Variants in SRD5A2 observed in about 807,000 individuals in gnomAD.
SRD5A2 encodes 3-oxo-5-alpha-steroid 4-dehydrogenase 2.
SRD5A2 carries 30 observed loss-of-function variants against 27.4 expected under a neutral mutation model. The observed-to-expected ratio is 1.10, with a 90% confidence interval of 0.82 to 1.49. The LOEUF is 1.49. Ranked by LOEUF, SRD5A2 falls within the 40% of genes most tolerant of loss-of-function variation. The probability of loss-of-function intolerance (pLI) is 0.00; values close to 1 mark genes in which losing one functional copy is unlikely to be tolerated. For synonymous variants in SRD5A2, 141 were observed against 133.6 expected (o/e 1.06, Z -0.38); for missense variants, 348 against 323.4 (o/e 1.08, Z -0.58).
chr2:31,647,444 A>T, the SRD5A2 span, among the ~76,000 whole-genome samples: 104,617 of 152,052 alleles, frequency 0.69, 36,216 homozygotes, highest in African/African-American at 0.71. Flanking sequence ...CCCCCGTTTT[A>T]CCTTCCATGG....
At chr2:31,550,023 A>G (rs528703464) in intron 1 of SRD5A2, among the ~76,000 whole-genome samples, 39 of 152,224 alleles carry the variant, frequency 2.6e-4, no homozygotes, top group Middle Eastern at 3.4e-3. Context: ...AATTTTTAAA[A>G]AGTAAAATTA....
upstream of SRD5A2, among the ~76,000 whole-genome samples, chr2:31,585,734 A>G (rs1394102736): frequency 2.0e-5 from 3 of 152,090 alleles, no homozygotes; most frequent in African/African-American, 7.2e-5. Context: ...CAGGGAGGTA[A>G]AGCACCAAGC....
At chr2:31,604,779 C>T in the SRD5A2 span, among the ~76,000 whole-genome samples, 5 of 151,152 alleles carry the variant, frequency 3.3e-5, no homozygotes. Context: ...ATACCAATGA[C>T]ATTCTTCACA....
chr2:31,556,301 C>A (rs939843241), intron 1 of SRD5A2, among the ~76,000 whole-genome samples: 5 of 152,142 alleles, frequency 3.3e-5, no homozygotes, highest in Non-Finnish European at 7.3e-5. Context: ...GCCTCCCATC[C>A]AAGCTTACTT....
intron 1 of SRD5A2, among the ~76,000 whole-genome samples, chr2:31,569,045 C>T (rs1022869273): frequency 5.3e-5 from 8 of 152,196 alleles, no homozygotes; most frequent in Admixed American, 1.3e-4. Context: ...CAGGGAAGCC[C>T]GGGTCCAGAG....
At chr2:31,634,344 C>A in the SRD5A2 span, among the ~76,000 whole-genome samples, 224 of 151,820 alleles carry the variant, frequency 1.5e-3, no homozygotes, top group African/African-American at 5.2e-3. Context: ...GGTAGAGAGG[C>A]AAAATAGAGC....
chr2:31,573,380 G>A (rs984602343), intron 1 of SRD5A2, among the ~76,000 whole-genome samples: 2 of 152,182 alleles, frequency 1.3e-5, no homozygotes, highest in Non-Finnish European at 2.9e-5. Flanking sequence ...GAGCTCCTAT[G>A]TTGAGCTGAG....
the SRD5A2 span, among the ~76,000 whole-genome samples, chr2:31,590,352 C>A: frequency 2.0e-5 from 3 of 152,162 alleles, no homozygotes; most frequent in Non-Finnish European, 4.4e-5. Flanking sequence ...TTTTATTTCA[C>A]TGAGCAGTGG....
At chr2:31,579,517 A>T (rs1292715035) in intron 1 of SRD5A2, among the ~76,000 whole-genome samples, 1 of 152,218 alleles carries the variant, frequency 6.6e-6, no homozygotes, top group African/African-American at 2.4e-5. Context: ...TGCATAGAAT[A>T]TCTGCCTACT....
At chr2:31,653,535 C>T in the SRD5A2 span, among the ~76,000 whole-genome samples, 3 of 152,098 alleles carry the variant, frequency 2.0e-5, no homozygotes. Flanking sequence ...TCTCTGTATG[C>T]ACCCTGAATG....
At chr2:31,565,644 A>T (rs1666714966) in intron 1 of SRD5A2, among the ~76,000 whole-genome samples, 1 of 151,986 alleles carries the variant, frequency 6.6e-6, no homozygotes, top group African/African-American at 2.4e-5. Flanking sequence ...AAAAGCATCA[A>T]TTCATCAAGA....
chr2:31,539,489 A>G (rs1666089759), intron 1 of SRD5A2, among the ~76,000 whole-genome samples: 1 of 152,124 alleles, frequency 6.6e-6, no homozygotes, highest in Non-Finnish European at 1.5e-5. Context: ...CCCCCTTACC[A>G]AGCTGTTATA....
chr2:31,628,124 C>T, the SRD5A2 span, among the ~76,000 whole-genome samples: 21 of 152,050 alleles, frequency 1.4e-4, no homozygotes, highest in Non-Finnish European at 2.8e-4. Context: ...TTGAGGGTCT[C>T]TAAAAATTCG....
intron 1 of SRD5A2, among the ~76,000 whole-genome samples, chr2:31,564,503 T>C (rs780206499): frequency 6.6e-6 from 1 of 152,050 alleles, no homozygotes; most frequent in African/African-American, 2.4e-5. Context: ...GAATAGTGTA[T>C]GAAAATCGTC....
chr2:31,567,454 G>GTATA (rs575917234), intron 1 of SRD5A2, among the ~76,000 whole-genome samples: 1,297 of 92,014 alleles, frequency 0.014, 9 homozygotes, highest in Non-Finnish European at 0.022. Context: ...GTGTGTGTGT[G>GTATA]TGTATATATA....
the SRD5A2 span, among the ~76,000 whole-genome samples, chr2:31,605,126 T>A: frequency 6.6e-6 from 1 of 151,776 alleles, no homozygotes; most frequent in East Asian, 1.9e-4. Flanking sequence ...TAGATCCCTA[T>A]CTCTCACCTT....
intron 1 of SRD5A2, among the ~76,000 whole-genome samples, chr2:31,553,497 A>G (rs769857328): frequency 6.6e-6 from 1 of 152,190 alleles, no homozygotes; most frequent in Non-Finnish European, 1.5e-5. Context: ...TTGCCAAAAT[A>G]CAGAGACAAA....
At chr2:31,654,084 A>T in the SRD5A2 span, among the ~76,000 whole-genome samples, 3 of 130,648 alleles carry the variant, frequency 2.3e-5, no homozygotes, top group East Asian at 4.2e-4. Context: ...AAAGAAAGTT[A>T]AAAAAAAAAA....
At chr2:31,642,434 T>A in the SRD5A2 span, among the ~76,000 whole-genome samples, 2 of 151,956 alleles carry the variant, frequency 1.3e-5, no homozygotes, top group African/African-American at 4.8e-5. Context: ...GGTGAAATAC[T>A]TGAACAAACA....
Sources: gnomAD v4.1 joint callset for allele counts (sites outside exome capture counted in the v4.1 genomes callset) on GRCh38, gnomAD v4.1.1 for gene constraint, MANE v1.5 for transcripts, NCBI Gene and HGNC (gene_info 2026-07-23, HGNC 2026-07-21) for gene names.